Variants in COL6A3 observed in about 807,000 individuals in gnomAD.
The protein encoded by COL6A3 is collagen alpha-3(VI) chain.
A neutral mutation model predicts 274.1 loss-of-function variants in COL6A3; 137 were observed. That is an observed-to-expected ratio of 0.50 (90% CI 0.44 to 0.58). The LOEUF (loss-of-function observed/expected upper bound fraction) is 0.58. COL6A3 is among the 20% of genes least tolerant of loss of function. The pLI, the probability that COL6A3 is intolerant of heterozygous loss-of-function variation, is 0.00. For missense variants in COL6A3, 3,950 were observed against 4,124.9 expected (o/e 0.96, Z 1.16); for synonymous variants, 1,650 against 1,650.6 (o/e 1.00, Z 0.01).
intron 11 of COL6A3, 22 bp from the exon 12 acceptor site, chr2:237,366,057 G>T (rs1229639530): frequency 6.2e-7 from 1 of 1,606,224 alleles, no homozygotes; most frequent in Admixed American, 1.7e-5. Context: ...AAATGCAGGT[G>T]ATGAGTTCTC....
At chr2:237,369,608 G>A (rs2077637091) in intron 9 of COL6A3, among the ~76,000 whole-genome samples, 1 of 152,140 alleles carries the variant, frequency 6.6e-6, no homozygotes, top group East Asian at 1.9e-4. Flanking sequence ...TTCTCGCCTT[G>A]TCCAAGGCCA....
chr2:237,397,219 G>A (rs767108469), intron 1 of COL6A3, among the ~76,000 whole-genome samples: 25 of 141,798 alleles, frequency 1.8e-4, no homozygotes, highest in Non-Finnish European at 2.9e-4. Context: ...AGTGAAAGAA[G>A]GGAAGGAAGG....
At position 237,369,127 on chromosome 2, in the gene COL6A3, C is replaced by T; in HGVS notation, c.4336G>A (p.Gly1446Arg). The change falls in exon 10 of 44, where the codon GGA becomes AGA. Residue 1446 changes from glycine to arginine, a missense_variant. Coordinates refer to ENST00000295550, the MANE Select transcript of COL6A3 (RefSeq NM_004369.4). The stretch of plus-strand genomic sequence containing the variant: ...TGTGCAAAGCCATCTGGCCTAACTC[C>T]CTCAGAGCTGTCGATCAGAAAGACA... ...DIVFLIDSSEGVRPDGFAHIR... is the reference protein window; with the variant it reads ...DIVFLIDSSERVRPDGFAHIR... The T allele has an allele frequency of 6.2e-7, 1 of 1,614,034 alleles. No homozygotes were observed. Among genetic ancestry groups the T allele is most frequent in the Non-Finnish European group, 8.5e-7 (1 of 1,180,052 alleles).
At position 237,399,639 on chromosome 2, in the gene COL6A3, ATAAAG is replaced by A. The variant is rs1366448182; in HGVS notation, c.-30-2797_-30-2793del. Among the ~76,000 whole-genome samples the A allele has an allele frequency of 2.0e-5, 3 of 152,340 alleles. No homozygotes were observed. In the South Asian group the frequency reaches 6.2e-4, roughly 32 times the overall value. ...CCTTAATATATAGCAGTTCTGAAAA[ATAAAG>A]TAAAGAAACCTGCTGTACTTGATTT... On this transcript the variant is annotated intron_variant, in intron 1 of 43. Transcript: ENST00000295550.
chr2:237,381,765 G>T (rs2078011953), intron 4 of COL6A3, among the ~76,000 whole-genome samples: 1 of 152,164 alleles, frequency 6.6e-6, no homozygotes, highest in Admixed American at 6.5e-5. Flanking sequence ...TTTAGTTTTA[G>T]TAGCCACCTG....
chr2:237,372,434 G>A (rs2077718061), intron 8 of COL6A3, 97 bp from the exon 9 acceptor site: 1 of 1,595,982 alleles, frequency 6.3e-7, no homozygotes, highest in Non-Finnish European at 8.5e-7. Context: ...CACAGGCAGG[G>A]GATCCTAACA....
At chr2:237,353,495 G>C (rs1304346031) in intron 24 of COL6A3, 92 bp from the exon 25 acceptor site, 1 of 1,151,214 alleles carries the variant, frequency 8.7e-7, no homozygotes, top group Non-Finnish European at 1.3e-6. Context: ...CCAGGGACTT[G>C]GAAAGCAACC....
intron 11 of COL6A3, among the ~76,000 whole-genome samples, chr2:237,366,397 C>A (rs901992877): frequency 2.6e-5 from 4 of 152,102 alleles, no homozygotes; most frequent in Non-Finnish European, 5.9e-5. Context: ...TCTAATAAAT[C>A]TATAATTAGA....
At chr2:237,356,298 T>C (rs2077315033) in intron 23 of COL6A3, among the ~76,000 whole-genome samples, 2 of 152,222 alleles carry the variant, frequency 1.3e-5, no homozygotes, top group Non-Finnish European at 2.9e-5. Context: ...TTTTTCATTA[T>C]ATAGCATTAT....
chr2:237,405,026 T>C (rs1482107875), intron 1 of COL6A3, among the ~76,000 whole-genome samples: 1 of 152,164 alleles, frequency 6.6e-6, no homozygotes, highest in Non-Finnish European at 1.5e-5. Context: ...CAGGAATTAT[T>C]TTATCCAGAA....
chr2:237,351,337 C>T (rs1181632252), intron 26 of COL6A3, 145 bp from the exon 27 acceptor site: 1 of 748,022 alleles, frequency 1.3e-6, no homozygotes, highest in African/African-American at 1.7e-5. Flanking sequence ...AAGCACTCAG[C>T]TCTGAGCACG....
intron 42 of COL6A3, chr2:237,333,217 CA>C: frequency 1.7e-6 from 1 of 590,690 alleles, no homozygotes; most frequent in Non-Finnish European, 3.0e-6. Context: ...GTGATAGCCC[CA>C]AAAGCACCTC....
At position 237,367,228 on chromosome 2, in the gene COL6A3, G is replaced by A. The variant is rs909795957; in HGVS notation, c.4959C>T (p.Asp1653=). Residue 1653 remains aspartate (D), a synonymous_variant, in exon 11 of 44, where the codon GAC becomes GAT. Coordinates refer to ENST00000295550, the MANE Select transcript of COL6A3 (RefSeq NM_004369.4). The part of the protein sequence containing the change: ...LLDGSINFRR[D]SFQEVLRFVS... The stretch of plus-strand genomic sequence containing the variant: ...CAAAACGAAGCACTTCCTGGAAACT[G>A]TCCCTCCTGAAGTTGATGGAACCAT... The A allele has an allele frequency of 1.2e-6, 2 of 1,613,862 alleles. No homozygotes were observed. Among genetic ancestry groups the A allele is most frequent in the African/African-American group, 2.7e-5 (2 of 74,918 alleles).
chr2:237,411,693 C>T (rs988439180), intron 1 of COL6A3, among the ~76,000 whole-genome samples: 2 of 152,202 alleles, frequency 1.3e-5, no homozygotes, highest in Non-Finnish European at 2.9e-5. Flanking sequence ...GTGCAATTTG[C>T]TGAGTCCTGA....
Position 237,344,273 on chromosome 2 carries a change from G to A in COL6A3, c.7668+77C>T. ...AGCTATGGGACATGAAGCCACAAAG[G>A]AGCATGGACGTGTCTGAGAACCTTC... is the stretch of plus-strand genomic sequence containing the variant. On this transcript the variant is annotated intron_variant, in intron 36 of 43. Transcript: ENST00000295550. This position sits in a 1 kb window ranked among gnomAD's most constrained non-coding sequence, Gnocchi z 4.8. 3 of 1,606,882 alleles carry A rather than the reference G, an allele frequency of 1.9e-6. 1 individual carries two copies. The highest frequency in any genetic ancestry group is 3.3e-4 in the Middle Eastern group (2 of 6,046).
At chr2:237,324,924 G>A (rs912532163) in intron 43 of COL6A3, 110 bp from the exon 44 acceptor site, 17 of 1,105,590 alleles carry the variant, frequency 1.5e-5, no homozygotes, top group South Asian at 5.2e-5. Context: ...ACACAGTCCC[G>A]CAGCCTCTGG....
intron 39 of COL6A3, 119 bp downstream of exon 39, chr2:237,338,896 T>G (rs548139624): frequency 3.4e-5 from 26 of 755,870 alleles, no homozygotes; most frequent in Non-Finnish European, 5.7e-5. Flanking sequence ...ACATTACCTT[T>G]GGGAAGTCAC....
At position 237,367,120 on chromosome 2, in the gene COL6A3, G is replaced by T. The variant is rs370475865; in HGVS notation, c.5067C>A (p.Asp1689Glu). 13 of 1,614,188 alleles carry T rather than the reference G, an allele frequency of 8.1e-6. No homozygotes were observed. Among genetic ancestry groups the T allele is most frequent in the African/African-American group, 1.3e-5 (1 of 75,050 alleles). ...GLVQYNSDPT[D>E]EFFLKDFSTK... ...TAGAGAAGTCCTTCAGGAAGAATTC[G>T]TCAGTGGGGTCAGAGTTGTACTGGA... Residue 1689 changes from aspartate to glutamate, a missense_variant, in exon 11 of 44, where the codon GAC (aspartate) becomes GAA (glutamate). Transcript: ENST00000295550.
chr2:237,381,237 C>G lies in COL6A3; in HGVS notation c.1575G>C (p.Thr525=). The G allele has an allele frequency of 6.2e-7, 1 of 1,614,230 alleles. No homozygotes were observed. Among genetic ancestry groups the G allele is most frequent in the Non-Finnish European group, 8.5e-7 (1 of 1,180,052 alleles). ...MKPLDGSALY[T]GSALDFVRNN... The stretch of plus-strand genomic sequence containing the variant: ...TACGAACAAAGTCTAGAGCAGAGCC[C>G]GTGTACAGGGCCGAGCCGTCCAGGG... The change falls in exon 5 of 44, where the codon ACG becomes ACC. Residue 525 remains threonine, a synonymous_variant. Transcript: ENST00000295550.
Sources: allele counts gnomAD v4.1 joint callset (sites outside exome capture counted in the v4.1 genomes callset), GRCh38; gene constraint gnomAD v4.1.1; non-coding constraint Gnocchi (gnomAD v3.1); transcripts MANE v1.5; gene names NCBI Gene and HGNC (gene_info 2026-07-23, HGNC 2026-07-21).